Variants in TEAD1 observed in about 807,000 individuals in gnomAD.
TEAD1 encodes TEA domain transcription factor 1, also known as transcriptional enhancer factor TEF-1.
Under a neutral mutation model 54.9 loss-of-function variants are expected in TEAD1, and 9 were observed. That is an observed-to-expected ratio of 0.16 (90% CI 0.10 to 0.29). TEAD1 has a LOEUF of 0.29. TEAD1 is among the 10% of genes least tolerant of loss of function. The pLI is 1.00. For missense variants in TEAD1, 387 were observed against 535.9 expected (o/e 0.72, Z 2.74); for synonymous variants, 200 against 187.8 (o/e 1.07, Z -0.53).
At chr11:12,925,293 C>T (rs918795887) in intron 11 of TEAD1, among the ~76,000 whole-genome samples, 14 of 152,124 alleles carry the variant, frequency 9.2e-5, no homozygotes, top group Admixed American at 2.6e-4. Flanking sequence ...TGTCAGGAAA[C>T]TTAGAATCAT....
chr11:12,752,472 G>T (rs187239909), intron 2 of TEAD1, among the ~76,000 whole-genome samples: 1 of 152,106 alleles, frequency 6.6e-6, no homozygotes, highest in Non-Finnish European at 1.5e-5. Context: ...TTCTAATAAC[G>T]TAGATGAATT....
Position 12,885,192 on chromosome 11 carries a change from C to G in TEAD1, c.699+2067C>G, listed in dbSNP as rs539682639. ...TATTTCATTGTATCCTTTTCACTAT[C>G]GTAAAAGATCACCTCCCAGTTTTGA... is the stretch of plus-strand genomic sequence containing the variant. On this transcript the variant is annotated intron_variant, in intron 9 of 12. Coordinates refer to ENST00000527636, the MANE Select transcript of TEAD1 (RefSeq NM_021961.6). Among the ~76,000 whole-genome samples, 4 of 150,668 alleles carry G rather than the reference C, an allele frequency of 2.7e-5. 1 individual carries two copies. Among genetic ancestry groups the G allele is most frequent in the South Asian group, 2.1e-4 (1 of 4,756 alleles).
chr11:12,756,830 C>T (rs956476416), intron 2 of TEAD1, among the ~76,000 whole-genome samples: 3 of 152,174 alleles, frequency 2.0e-5, no homozygotes, highest in Admixed American at 1.3e-4. Flanking sequence ...GGAAGTGCAG[C>T]GATTAAATAA....
intron 2 of TEAD1, among the ~76,000 whole-genome samples, chr11:12,742,268 A>G (rs1395515708): frequency 6.6e-6 from 1 of 152,224 alleles, no homozygotes; most frequent in South Asian, 2.1e-4. Context: ...TGGACAAATA[A>G]TATTTCTAAA....
intron 3 of TEAD1, among the ~76,000 whole-genome samples, chr11:12,776,475 T>A (rs1426200649): frequency 6.6e-6 from 1 of 152,156 alleles, no homozygotes; most frequent in Non-Finnish European, 1.5e-5. Context: ...TGTAATAGAT[T>A]CCTGGCAAGT....
chr11:12,818,681 G>C (rs1946467905), intron 3 of TEAD1, among the ~76,000 whole-genome samples: 1 of 152,190 alleles, frequency 6.6e-6, no homozygotes. Context: ...ATATCAATGG[G>C]TTTCTCAAGC....
At chr11:12,703,269 G>A (rs2133841240) in intron 2 of TEAD1, among the ~76,000 whole-genome samples, 1 of 152,332 alleles carries the variant, frequency 6.6e-6, no homozygotes, top group African/African-American at 2.4e-5. Context: ...TCCCTTAGCA[G>A]AGGATGGGGG....
chr11:12,893,991 G>T (rs1948254821), intron 9 of TEAD1, among the ~76,000 whole-genome samples: 1 of 152,192 alleles, frequency 6.6e-6, no homozygotes, highest in Non-Finnish European at 1.5e-5. Context: ...GCCACCGCAG[G>T]CTGCCCAGCC....
In TEAD1 at chr11:12,940,639, C is replaced by T. The variant is rs1334367079; in HGVS notation, c.*3417C>T. On this transcript the variant is annotated 3_prime_UTR_variant, in exon 13 of 13. Transcript: ENST00000527636. ...TGGGGAAGTTGGGAACAGCTGGTCA[C>T]CATCATCCCTTTAATCAACTCACAC... The T allele has an allele frequency of 6.6e-6, 1 of 152,160 alleles. No individual in the cohort carries two copies. The highest frequency in any genetic ancestry group is 1.5e-5 in the Non-Finnish European group (1 of 68,042). 9.4% of individuals were successfully genotyped at this position (152,160 alleles called of 1,614,324 possible).
At chr11:12,827,982 T>A (rs1175524422) in intron 3 of TEAD1, 3 of 152,214 alleles carry the variant, frequency 2.0e-5, no homozygotes, top group Non-Finnish European at 4.4e-5. Context: ...AAAATGACAT[T>A]TCCTGGTAAT....
At chr11:12,818,601 C>T (rs1946466344) in intron 3 of TEAD1, among the ~76,000 whole-genome samples, 1 of 152,132 alleles carries the variant, frequency 6.6e-6, no homozygotes, top group African/African-American at 2.4e-5. Flanking sequence ...TTCTGTGTGT[C>T]TTCCTTGGAT....
intron 3 of TEAD1, among the ~76,000 whole-genome samples, chr11:12,854,345 G>A (rs1304452014): frequency 6.6e-6 from 1 of 152,134 alleles, no homozygotes; most frequent in Non-Finnish European, 1.5e-5. Context: ...TGGATGCACA[G>A]TGATGAGCAA....
intron 2 of TEAD1, among the ~76,000 whole-genome samples, chr11:12,742,396 A>G (rs1944665891): frequency 6.6e-6 from 1 of 152,214 alleles, no homozygotes; most frequent in Admixed American, 6.5e-5. Flanking sequence ...TCAAACTCAT[A>G]AAAAGTAGAG....
Position 12,938,857 on chromosome 11 carries a change from CACA to C in TEAD1, c.*1637_*1639del, listed in dbSNP as rs1949133691. The C allele has an allele frequency of 6.6e-6, 1 of 152,208 alleles. No homozygotes were observed. The highest frequency in any genetic ancestry group is 1.5e-5 in the Non-Finnish European group (1 of 68,044). 9.4% of individuals were successfully genotyped at this position (152,208 alleles called of 1,614,324 possible). A position where few individuals can be genotyped will look rare whatever the true frequency, so the allele number is the denominator to read the frequency against. ...TTTGTAAGTGGTAGGAACATGTGCA[CACA>C]ATAGAACATGAAATAAGTTTTTTAA... On this transcript the variant is annotated 3_prime_UTR_variant, in exon 13 of 13. Coordinates refer to ENST00000527636, the MANE Select transcript of TEAD1 (RefSeq NM_021961.6).
At chr11:12,910,747 C>CTTTTTT (rs5789752) in intron 10 of TEAD1, among the ~76,000 whole-genome samples, 4,703 of 119,556 alleles carry the variant, frequency 0.039, 233 homozygotes, top group East Asian at 0.087. Context: ...ACTTAATTTG[C>CTTTTTT]TTTTTTTTTT....
chr11:12,818,583 A>G lies in TEAD1; in HGVS notation c.203-43667A>G, dbSNP rs146126660. Among the ~76,000 whole-genome samples, 64 of 152,214 alleles carry G rather than the reference A, an allele frequency of 4.2e-4. 1 individual carries two copies. The East Asian group carries it at 0.01, about 24-fold the overall frequency. On this transcript the variant is annotated intron_variant, in intron 3 of 12. Transcript: ENST00000527636. ...GGACCAGTCAAGTCCAGCTCCTCCA[A>G]ACTGCTTTTCTGTGTGTCTTCCTTG...
chr11:12,759,589 G>A lies in TEAD1; in HGVS notation c.-54-4590G>A, dbSNP rs11022494. Among the ~76,000 whole-genome samples the A allele has an allele frequency of 3.5e-4, 54 of 152,268 alleles. No individual in the cohort carries two copies. The East Asian group carries it at 3.9e-3, about 11-fold the overall frequency. ...TTTTTAAAAGTATTTCCAGCTGGGC[G>A]CGGTGGCTCACGCCTGTAATCCCAG... On this transcript the variant is annotated intron_variant, in intron 2 of 12. Transcript: ENST00000527636.
intron 2 of TEAD1, among the ~76,000 whole-genome samples, chr11:12,749,259 G>A (rs900281387): frequency 2.0e-5 from 3 of 152,134 alleles, no homozygotes; most frequent in Non-Finnish European, 4.4e-5. Flanking sequence ...CTGAGAGGGA[G>A]GGCTTTAGTG....
rs72862733 is a variant in TEAD1 at position 12,893,107 on chromosome 11, T to G, written c.700-8833T>G. Among the ~76,000 whole-genome samples, 123 of 152,278 alleles carry G rather than the reference T, an allele frequency of 8.1e-4. 1 individual carries two copies. The highest frequency in any genetic ancestry group is 3.4e-3 in the Middle Eastern group (1 of 294). On this transcript the variant is annotated intron_variant, in intron 9 of 12. Transcript: ENST00000527636. ...CAGAGCCTAGATATTCTAACCCAGG[T>G]GTCATTAATGTTCCCATCTCATGCT...
Sources: gnomAD v4.1 joint callset for allele counts (sites outside exome capture counted in the v4.1 genomes callset) on GRCh38, gnomAD v4.1.1 for gene constraint, MANE v1.5 for transcripts, NCBI Gene and HGNC (gene_info 2026-07-23, HGNC 2026-07-21) for gene names.